CPSF7: variants seen among roughly 807,000 people sequenced by gnomAD.
CPSF7 encodes the protein cleavage and polyadenylation specificity factor subunit 7.
In CPSF7, 1 loss-of-function variant was observed where a neutral mutation model predicts 44.3. The ratio of observed to expected loss-of-function variants is 0.02; its 90% CI spans 0.01 to 0.11. The LOEUF (loss-of-function observed/expected upper bound fraction) is 0.11. Ranked by LOEUF, CPSF7 falls within the 10% of genes least tolerant of loss-of-function variation. The probability of loss-of-function intolerance (pLI) is 1.00; values close to 1 mark genes in which losing one functional copy is unlikely to be tolerated. For missense variants in CPSF7, 443 were observed against 607.2 expected (o/e 0.73, Z 2.84); for synonymous variants, 202 against 222.0 (o/e 0.91, Z 0.80).
Position 61,429,900 on chromosome 11 carries a change from C to T in CPSF7, c.-56+14G>A. The T allele has an allele frequency of 1.3e-6, 2 of 1,509,450 alleles. No individual in the cohort carries two copies. Among genetic ancestry groups the T allele is most frequent in the Non-Finnish European group, 1.8e-6 (2 of 1,126,322 alleles). The allele number at this position is 1,509,450 out of a possible 1,614,324, so 93.5% of individuals were successfully genotyped here. A position where few individuals can be genotyped will look rare whatever the true frequency, so the allele number is the denominator to read the frequency against. ...TTCCGGCCCAACCTGCCCCCGACCGCGCGCCCCCGTTACCGGGAATATGGC... is the reference window on the plus strand; with the variant it reads ...TTCCGGCCCAACCTGCCCCCGACCGTGCGCCCCCGTTACCGGGAATATGGC... On this transcript the variant is annotated intron_variant, in intron 1 of 9. Coordinates refer to ENST00000439958, the MANE Select transcript of CPSF7 (RefSeq NM_001142565.3).
intron 2 of CPSF7, chr11:61,426,589 G>C (rs912011685): frequency 7.9e-5 from 12 of 152,172 alleles, no homozygotes; most frequent in Admixed American, 6.5e-4. Context: ...GAGGAGACCA[G>C]AGAACAAACT....
chr11:61,403,707 A>G lies in CPSF7; in HGVS notation c.*1003T>C, dbSNP rs1473496649. 6.6e-6 allele frequency: 1 copy of G among 152,226 alleles called. No homozygotes were observed. The allele number at this position is 152,226 out of a possible 1,614,324, so 9.4% of individuals were successfully genotyped here. A position where few individuals can be genotyped will look rare whatever the true frequency, so the allele number is the denominator to read the frequency against. ...ATGCTTACATCAAACCTGAAAAAAG[A>G]AAAGCCTATGGAAGTAGGCCATATC... On this transcript the variant is annotated 3_prime_UTR_variant, in exon 10 of 10. Transcript: ENST00000439958.
At chr11:61,429,858 G>GCCGGCCCGGACCCCTCTT in intron 1 of CPSF7, 56 bp downstream of exon 1, 1 of 1,541,302 alleles carries the variant, frequency 6.5e-7, no homozygotes, top group Non-Finnish European at 8.7e-7. Context: ...CCGCCTCAGT[G>GCCGGCCCGGACCCCTCTT]CCGGCCCGGA....
chr11:61,420,879 G>T, intron 3 of CPSF7: 1 of 480,290 alleles, frequency 2.1e-6, no homozygotes, highest in South Asian at 1.9e-5. Flanking sequence ...TTATAGATCT[G>T]TCAGGCTAGA....
At chr11:61,411,132 T>G in intron 8 of CPSF7, 27 bp from the exon 9 acceptor site, 1 of 1,579,766 alleles carries the variant, frequency 6.3e-7, no homozygotes, top group Non-Finnish European at 8.6e-7. Flanking sequence ...TCAGCCTCAC[T>G]CAGAAGGCCT....
rs959869050 is a variant in CPSF7 at position 61,415,853 on chromosome 11, T to C, written c.939-69A>G. On this transcript the variant is annotated intron_variant, in intron 6 of 9. Transcript: ENST00000439958. The stretch of plus-strand genomic sequence containing the variant: ...TATTTTTACTGTACTCTACAACACT[T>C]TGGTAATTTTGGCATAACACAGAAC... 2.6e-6 allele frequency: 3 copies of C among 1,155,080 alleles called. No individual in the cohort carries two copies. In the African/African-American group the frequency reaches 4.6e-5, roughly 18 times the overall value. The allele number at this position is 1,155,080 out of a possible 1,614,324, so 71.6% of individuals were successfully genotyped here. A position where few individuals can be genotyped will look rare whatever the true frequency, so the allele number is the denominator to read the frequency against.
chr11:61,428,202 G>A (rs1448616620), intron 2 of CPSF7, among the ~76,000 whole-genome samples: 2 of 152,244 alleles, frequency 1.3e-5, no homozygotes, highest in African/African-American at 2.4e-5. Flanking sequence ...GTTTTTAAGA[G>A]TCAGGGTCTT....
In CPSF7 at chr11:61,421,413, C is replaced by T. The variant is rs1257278370; in HGVS notation, c.250G>A (p.Val84Ile). ...YSGLRNRRAA[V>I]YVGSFSWWTT... ...ACCCAGGAGAAGCTGCCCACATAAA[C>T]GGCAGCTCGTCTATTACGCAGGCCA... Residue 84 changes from valine (V) to isoleucine (I), a missense_variant, in exon 3 of 10, where the codon GTT (valine) becomes ATT (isoleucine). By Grantham distance (29) the Val-to-Ile change is conservative. Coordinates refer to ENST00000439958, the MANE Select transcript of CPSF7 (RefSeq NM_001142565.3). The T allele has an allele frequency of 5.0e-6, 8 of 1,613,960 alleles. No homozygotes were observed. The highest frequency in any genetic ancestry group is 5.9e-6 in the Non-Finnish European group (7 of 1,179,966).
In CPSF7 at chr11:61,420,084, C is replaced by G; in HGVS notation, c.388G>C (p.Val130Leu). ...ANGQSKGYAE[V>L]VVASENSVHK... ...ACAGAGTTTTCAGAGGCTACCACCA[C>G]CTCAGCATACCTTAGGAAAGAAAAA... The change falls in exon 5 of 10, where the codon GTG (valine) becomes CTG (leucine). Residue 130 changes from valine to leucine, a missense_variant. By Grantham distance (32) the Val-to-Leu change is conservative (BLOSUM62 1). Transcript: ENST00000439958. 6.2e-7 allele frequency: 1 copy of G among 1,611,694 alleles called. No individual in the cohort carries two copies. The highest frequency in any genetic ancestry group is 8.5e-7 in the Non-Finnish European group (1 of 1,178,650).
At chr11:61,429,331 G>A (rs964135099) in intron 1 of CPSF7, 41 bp from the exon 2 acceptor site, 7 of 1,217,920 alleles carry the variant, frequency 5.7e-6, no homozygotes, top group South Asian at 1.2e-5. Context: ...AAGGCACGAG[G>A]GTCCTGGGCT....
chr11:61,429,661 A>T, intron 1 of CPSF7: 1 of 1,371,736 alleles, frequency 7.3e-7, no homozygotes, highest in Non-Finnish European at 1.0e-6. Context: ...CTCCGGCCAG[A>T]GCCCCCAGGT....
At chr11:61,429,083 C>T in intron 2 of CPSF7, 99 bp downstream of exon 2, 7 of 698,032 alleles carry the variant, frequency 1.0e-5, no homozygotes, top group Non-Finnish European at 1.8e-5. Flanking sequence ...GACGCGTGTT[C>T]AAGCCTAGGA....
chr11:61,425,411 A>G (rs916158532), intron 2 of CPSF7, among the ~76,000 whole-genome samples: 10 of 152,252 alleles, frequency 6.6e-5, no homozygotes, highest in African/African-American at 2.4e-4. Context: ...GTTTCATTCC[A>G]GGGAGATTAA....
intron 2 of CPSF7, among the ~76,000 whole-genome samples, chr11:61,424,475 TAG>T (rs1861173406): frequency 2.0e-5 from 3 of 152,172 alleles, no homozygotes; most frequent in African/African-American, 4.8e-5. Flanking sequence ...TTTTCTGAGA[TAG>T]AGTCTCACTT....
In CPSF7 at chr11:61,414,835, G is replaced by T. The variant is rs1252270521; in HGVS notation, c.1057+831C>A. Among the ~76,000 whole-genome samples the T allele has an allele frequency of 2.0e-5, 3 of 152,354 alleles. No homozygotes were observed. The East Asian group carries it at 5.8e-4, about 29-fold the overall frequency. On this transcript the variant is annotated intron_variant, in intron 7 of 9. Coordinates refer to ENST00000439958, the MANE Select transcript of CPSF7 (RefSeq NM_001142565.3). ...AATGAGAGCAGGGCAAAAGTTAGCT[G>T]TAAGGGCATAACATGCCTTAAGATG...
intron 2 of CPSF7, among the ~76,000 whole-genome samples, chr11:61,424,202 G>C (rs149411855): frequency 5.9e-5 from 9 of 152,276 alleles, no homozygotes; most frequent in Non-Finnish European, 1.2e-4. Flanking sequence ...GAGAGGACAG[G>C]GTGGATAATA....
At chr11:61,425,466 T>C (rs912295847) in intron 2 of CPSF7, among the ~76,000 whole-genome samples, 3 of 152,220 alleles carry the variant, frequency 2.0e-5, no homozygotes, top group Admixed American at 2.0e-4. Context: ...TCAAAGAATT[T>C]TGTGTTTAAT....
chr11:61,426,518 T>C (rs906307783), intron 2 of CPSF7: 2 of 152,234 alleles, frequency 1.3e-5, no homozygotes, highest in African/African-American at 4.8e-5. Context: ...TATATGTATC[T>C]ATTAAAGTCC....
intron 2 of CPSF7, among the ~76,000 whole-genome samples, chr11:61,428,420 A>C (rs1469418809): frequency 6.6e-6 from 1 of 152,056 alleles, no homozygotes; most frequent in African/African-American, 2.4e-5. Flanking sequence ...TTCTGGTCTT[A>C]AGTAATCTTC....
Sources: allele counts gnomAD v4.1 joint callset (sites outside exome capture counted in the v4.1 genomes callset), GRCh38; gene constraint gnomAD v4.1.1; transcripts MANE v1.5; gene names NCBI Gene and HGNC (gene_info 2026-07-23, HGNC 2026-07-21).